The following ADIPOR2 variants were observed in gnomAD, a reference collection of about 807,000 sequenced individuals.
The protein encoded by ADIPOR2 is adiponectin receptor 2.
Under a neutral mutation model 40.9 loss-of-function variants are expected in ADIPOR2, and 18 were observed. The ratio of observed to expected loss-of-function variants is 0.44; its 90% CI spans 0.30 to 0.65. The LOEUF (loss-of-function observed/expected upper bound fraction) is 0.65. Ranked by LOEUF, ADIPOR2 falls within the 30% of genes least tolerant of loss-of-function variation. The pLI is 0.09. For synonymous variants in ADIPOR2, 165 were observed against 166.4 expected (o/e 0.99, Z 0.06); for missense variants, 283 against 479.2 (o/e 0.59, Z 3.82).
At chr12:1,744,526 G>C (rs2094750787) in intron 1 of ADIPOR2, among the ~76,000 whole-genome samples, 1 of 151,496 alleles carries the variant, frequency 6.6e-6, no homozygotes, top group Admixed American at 6.6e-5. Context: ...TTGTAGAGAT[G>C]GGGTTTCACC....
intron 2 of ADIPOR2, among the ~76,000 whole-genome samples, chr12:1,759,691 A>AT (rs1027171133): frequency 1.6e-4 from 24 of 151,802 alleles, no homozygotes; most frequent in Non-Finnish European, 3.2e-4. Flanking sequence ...TCCTGGGTAT[A>AT]TTTTTTTTGT....
At chr12:1,751,491 C>A (rs2094768995) in intron 1 of ADIPOR2, among the ~76,000 whole-genome samples, 1 of 152,014 alleles carries the variant, frequency 6.6e-6, no homozygotes, top group Non-Finnish European at 1.5e-5. Flanking sequence ...ACAATTCTAA[C>A]TAATGGAGCT....
At chr12:1,774,703 AT>A (rs1862551366) in intron 3 of ADIPOR2, among the ~76,000 whole-genome samples, 1 of 152,042 alleles carries the variant, frequency 6.6e-6, no homozygotes. Context: ...TGGGGAGTTT[AT>A]TTGTTTTTGA....
chr12:1,780,515 C>A lies in ADIPOR2; in HGVS notation c.528C>A (p.Ala176=), dbSNP rs752590307. ...TTCGCCCAAATATCTCCTTTGTGGC[C>A]CCTCTGCAAGAGAAGGTGGTCTTTG... ...YMFRPNISFV[A]PLQEKVVFGL... Residue 176 remains alanine, a synonymous_variant, in exon 5 of 8, where the codon GCC becomes GCA. Coordinates refer to ENST00000357103, the MANE Select transcript of ADIPOR2 (RefSeq NM_024551.3). The A allele has an allele frequency of 1.9e-6, 3 of 1,613,670 alleles. No individual in the cohort carries two copies. In the South Asian group the frequency reaches 3.3e-5, roughly 18 times the overall value.
chr12:1,784,970 A>G (rs1862797982), intron 7 of ADIPOR2, among the ~76,000 whole-genome samples: 1 of 152,200 alleles, frequency 6.6e-6, no homozygotes, highest in Non-Finnish European at 1.5e-5. Context: ...TCTAGCTTCA[A>G]ATTAGCTAAT....
chr12:1,767,708 G>C lies in ADIPOR2; in HGVS notation c.172-5134G>C, dbSNP rs374318762. On this transcript the variant is annotated intron_variant, in intron 2 of 7. Coordinates refer to ENST00000357103, the MANE Select transcript of ADIPOR2 (RefSeq NM_024551.3). Reference sequence around the variant, plus strand: ...GTGAACACTGCCCTAAAGAGTCCTAGAAGTATTTCAGAAAGAAAGTATTGG... The same window carrying C: ...GTGAACACTGCCCTAAAGAGTCCTACAAGTATTTCAGAAAGAAAGTATTGG... Among the ~76,000 whole-genome samples, 6 of 152,176 alleles carry C rather than the reference G, an allele frequency of 3.9e-5. No individual in the cohort carries two copies. The East Asian group carries it at 7.7e-4, about 19-fold the overall frequency.
intron 1 of ADIPOR2, among the ~76,000 whole-genome samples, chr12:1,746,589 G>T (rs891579358): frequency 3.3e-5 from 5 of 152,170 alleles, no homozygotes; most frequent in Non-Finnish European, 7.4e-5. Flanking sequence ...TTATAAACAT[G>T]TATGTACTGA....
intron 1 of ADIPOR2, among the ~76,000 whole-genome samples, chr12:1,751,590 C>T (rs1222164222): frequency 6.6e-6 from 1 of 152,144 alleles, no homozygotes; most frequent in Non-Finnish European, 1.5e-5. Flanking sequence ...TCAGTGCAAC[C>T]TCGAACTCCT....
At chr12:1,727,250 T>G (rs1018438278) in intron 1 of ADIPOR2, among the ~76,000 whole-genome samples, 1 of 152,212 alleles carries the variant, frequency 6.6e-6, no homozygotes, top group African/African-American at 2.4e-5. Context: ...TTCTGTTCTT[T>G]CACAGTTTTT....
chr12:1,766,782 C>T (rs759244363), intron 2 of ADIPOR2, among the ~76,000 whole-genome samples: 1 of 152,152 alleles, frequency 6.6e-6, no homozygotes, highest in Non-Finnish European at 1.5e-5. Flanking sequence ...TCTTCTGCTC[C>T]AGATTCTTCT....
In ADIPOR2 at chr12:1,715,527, C is replaced by T. The variant is rs2079517; in HGVS notation, c.-87+24336C>T. ...CGCTACCCTCTCAACCCCGAGTTATCGTGGCTTTAAAAACCGGACCATTGT... is the reference window on the plus strand; with the variant it reads ...CGCTACCCTCTCAACCCCGAGTTATTGTGGCTTTAAAAACCGGACCATTGT... On this transcript the variant is annotated intron_variant, in intron 1 of 7. Coordinates refer to ENST00000357103, the MANE Select transcript of ADIPOR2 (RefSeq NM_024551.3). Among the ~76,000 whole-genome samples the T allele has an allele frequency of 3.9e-3, 588 of 152,232 alleles. 8 individuals are homozygous for T. The highest frequency in any genetic ancestry group is 0.013 in the African/African-American group (555 of 41,498).
At chr12:1,748,977 C>T (rs897201081) in intron 1 of ADIPOR2, among the ~76,000 whole-genome samples, 4 of 152,128 alleles carry the variant, frequency 2.6e-5, no homozygotes, top group Non-Finnish European at 4.4e-5. Context: ...AGTCATAAGT[C>T]GGGGCCTCCA....
chr12:1,742,209 C>T (rs754470579), intron 1 of ADIPOR2, among the ~76,000 whole-genome samples: 33 of 152,202 alleles, frequency 2.2e-4, no homozygotes, highest in Non-Finnish European at 4.0e-4. Flanking sequence ...CCTCCCACCT[C>T]AGTGTCCTGA....
chr12:1,721,825 C>T (rs1445673772), intron 1 of ADIPOR2, among the ~76,000 whole-genome samples: 1 of 152,134 alleles, frequency 6.6e-6, no homozygotes, highest in Non-Finnish European at 1.5e-5. Context: ...CCATAGGGAA[C>T]CATGTTACAC....
At chr12:1,767,258 C>T (rs1435979340) in intron 2 of ADIPOR2, among the ~76,000 whole-genome samples, 1 of 96,102 alleles carries the variant, frequency 1.0e-5, no homozygotes, top group African/African-American at 4.4e-5. Flanking sequence ...AGGACAAGAG[C>T]AAGACTTCGT....
intron 1 of ADIPOR2, among the ~76,000 whole-genome samples, chr12:1,691,549 G>T (rs1404586500): frequency 6.6e-6 from 1 of 152,216 alleles, no homozygotes; most frequent in African/African-American, 2.4e-5. Flanking sequence ...CCTGCCCGCG[G>T]AGAGGATCTG....
intron 1 of ADIPOR2, among the ~76,000 whole-genome samples, chr12:1,737,716 A>G (rs1002487996): frequency 1.3e-5 from 2 of 151,846 alleles, no homozygotes; most frequent in Non-Finnish European, 2.9e-5. Context: ...ACGCTTGGGT[A>G]ATTTTTTGTA....
intron 1 of ADIPOR2, among the ~76,000 whole-genome samples, chr12:1,698,614 T>C (rs1022146709): frequency 3.3e-5 from 5 of 152,218 alleles, no homozygotes; most frequent in Non-Finnish European, 5.9e-5. Context: ...GTAGTATTAT[T>C]AAATGGATAT....
At chr12:1,695,882 A>G (rs2094637789) in intron 1 of ADIPOR2, 2 of 151,534 alleles carry the variant, frequency 1.3e-5, no homozygotes, top group African/African-American at 4.9e-5. Context: ...TGTATCTCAT[A>G]GTGGCAGCAG....
Sources: gnomAD v4.1 joint callset for allele counts (sites outside exome capture counted in the v4.1 genomes callset) on GRCh38, gnomAD v4.1.1 for gene constraint, MANE v1.5 for transcripts, NCBI Gene and HGNC (gene_info 2026-07-23, HGNC 2026-07-21) for gene names.